TRIO: variants seen among roughly 807,000 people sequenced by gnomAD.
The protein encoded by TRIO is triple functional domain protein.
In TRIO, 58 loss-of-function variants were observed where a neutral mutation model predicts 351.9. The ratio of observed to expected loss-of-function variants is 0.16; its 90% CI spans 0.13 to 0.21. The LOEUF is 0.21. TRIO is among the 10% of genes least tolerant of loss of function. TRIO has a pLI of 1.00. For synonymous variants in TRIO, 1,758 were observed against 1,595.7 expected, an observed-to-expected ratio of 1.10 and a Z score of -2.42; for missense variants, 3,201 against 4,027.8, an observed-to-expected ratio of 0.79 and a Z score of 5.56.
intron 1 of TRIO, among the ~76,000 whole-genome samples, chr5:14,174,729 A>G (rs953158732): frequency 6.6e-6 from 1 of 152,224 alleles, no homozygotes; most frequent in Non-Finnish European, 1.5e-5. Context: ...CAAATAAATA[A>G]TAGTATCTAG....
At chr5:14,439,024 TTTTG>T (rs541954381) in intron 34 of TRIO, among the ~76,000 whole-genome samples, 38 of 152,192 alleles carry the variant, frequency 2.5e-4, no homozygotes, top group Middle Eastern at 3.4e-3. Flanking sequence ...TTTTTTTTGT[TTTTG>T]TTTGTTTGTT....
chr5:14,352,206 C>G (rs1180013880), intron 11 of TRIO, among the ~76,000 whole-genome samples: 2 of 152,232 alleles, frequency 1.3e-5, no homozygotes, highest in Non-Finnish European at 2.9e-5. Flanking sequence ...ACCCAGCCCT[C>G]TGGCCTGCAG....
At chr5:14,285,443 C>T (rs1296188264) in intron 3 of TRIO, among the ~76,000 whole-genome samples, 3 of 151,684 alleles carry the variant, frequency 2.0e-5, no homozygotes, top group Admixed American at 2.0e-4. Flanking sequence ...ATGTAGATGT[C>T]ATATGTACTT....
intron 39 of TRIO, among the ~76,000 whole-genome samples, chr5:14,473,035 T>C (rs1754798548): frequency 6.6e-6 from 1 of 152,204 alleles, no homozygotes; most frequent in Non-Finnish European, 1.5e-5. Context: ...AAAAAGTCAG[T>C]GTGGCCCAGC....
intron 1 of TRIO, among the ~76,000 whole-genome samples, chr5:14,255,297 A>G (rs1036634273): frequency 3.3e-5 from 5 of 152,266 alleles, no homozygotes; most frequent in African/African-American, 9.6e-5. Flanking sequence ...CTCTAGGCGT[A>G]GAGATCCACT....
At chr5:14,369,302 A>C in intron 17 of TRIO, 72 bp from the exon 18 acceptor site, 1 of 1,517,224 alleles carries the variant, frequency 6.6e-7, no homozygotes, top group Non-Finnish European at 8.8e-7. Context: ...GCCCGACTGA[A>C]AGGGCTTTCC....
At chr5:14,313,665 T>G (rs1158070074) in intron 8 of TRIO, among the ~76,000 whole-genome samples, 1 of 152,244 alleles carries the variant, frequency 6.6e-6, no homozygotes, top group Non-Finnish European at 1.5e-5. Context: ...TGGATCCTTC[T>G]GTCTTTCTGT....
intron 1 of TRIO, among the ~76,000 whole-genome samples, chr5:14,147,337 T>C (rs2152113096): frequency 6.6e-6 from 1 of 152,324 alleles, no homozygotes; most frequent in South Asian, 2.1e-4. Context: ...GGACGTTGCT[T>C]ACATTAGTTC....
chr5:14,147,326 A>G (rs1356673472), intron 1 of TRIO, among the ~76,000 whole-genome samples: 1 of 152,144 alleles, frequency 6.6e-6, no homozygotes, highest in South Asian at 2.1e-4. Flanking sequence ...TCTCATAGCC[A>G]GGACGTTGCT....
chr5:14,423,087 G>A (rs114117600), intron 34 of TRIO, among the ~76,000 whole-genome samples: 19 of 152,266 alleles, frequency 1.2e-4, no homozygotes, highest in African/African-American at 3.9e-4. Flanking sequence ...TCCTTCCTCC[G>A]TCTCAGCATC....
At chr5:14,435,792 G>A (rs62345052) in intron 34 of TRIO, among the ~76,000 whole-genome samples, 8,207 of 152,200 alleles carry the variant, frequency 0.054, 258 homozygotes, top group African/African-American at 0.074. Flanking sequence ...AACTTCTGAC[G>A]TGCTCCCAAC....
intron 1 of TRIO, among the ~76,000 whole-genome samples, chr5:14,227,170 A>G (rs1793097492): frequency 6.6e-6 from 1 of 152,200 alleles, no homozygotes; most frequent in African/African-American, 2.4e-5. Context: ...TCCTTGAGGT[A>G]TTTCAAGCAT....
intron 34 of TRIO, among the ~76,000 whole-genome samples, chr5:14,444,756 T>C (rs911159675): frequency 2.6e-5 from 4 of 152,252 alleles, no homozygotes; most frequent in Admixed American, 6.5e-5. Context: ...TGAATTTGTA[T>C]ATATTTTTAG....
chr5:14,328,855 C>T (rs1218227194), intron 9 of TRIO, among the ~76,000 whole-genome samples: 16 of 152,190 alleles, frequency 1.1e-4, no homozygotes, highest in Admixed American at 2.6e-4. Flanking sequence ...AGACCAGGCT[C>T]GGCCTCCACC....
chr5:14,501,149 A>C (rs889490004), intron 53 of TRIO, among the ~76,000 whole-genome samples: 1 of 152,034 alleles, frequency 6.6e-6, no homozygotes, highest in Non-Finnish European at 1.5e-5. Context: ...TAATAGTCCA[A>C]TATTTCTTAA....
chr5:14,211,841 T>C (rs1791921108), intron 1 of TRIO, among the ~76,000 whole-genome samples: 1 of 151,870 alleles, frequency 6.6e-6, no homozygotes. Context: ...ACAGATGCCA[T>C]GGCTCACATC....
intron 55 of TRIO, among the ~76,000 whole-genome samples, chr5:14,505,611 T>C (rs768442417): frequency 2.6e-5 from 4 of 152,192 alleles, no homozygotes; most frequent in East Asian, 3.9e-4. Context: ...GTTGTAGTTA[T>C]TGTCATTTTT....
intron 1 of TRIO, among the ~76,000 whole-genome samples, chr5:14,161,929 G>A (rs1279114886): frequency 6.6e-6 from 1 of 152,168 alleles, no homozygotes; most frequent in Non-Finnish European, 1.5e-5. Context: ...ATGGAGGCCA[G>A]GCAGGTCTCA....
intron 31 of TRIO, among the ~76,000 whole-genome samples, chr5:14,405,003 G>A (rs1168596553): frequency 6.6e-6 from 1 of 150,980 alleles, no homozygotes; most frequent in East Asian, 2.0e-4. Flanking sequence ...ATAGGAGATT[G>A]ATATTTTCTG....
Sources: allele counts gnomAD v4.1 joint callset (sites outside exome capture counted in the v4.1 genomes callset), GRCh38; gene constraint gnomAD v4.1.1; transcripts MANE v1.5; gene names NCBI Gene and HGNC (gene_info 2026-07-23, HGNC 2026-07-21).